ACO2: variants seen among roughly 807,000 people sequenced by gnomAD.
The protein encoded by ACO2 is aconitate hydratase, mitochondrial.
In ACO2, 31 loss-of-function variants were observed where a neutral mutation model predicts 84.5. The ratio of observed to expected loss-of-function variants is 0.37; its 90% CI spans 0.28 to 0.50. The LOEUF (loss-of-function observed/expected upper bound fraction) is 0.50, where lower values mean the gene tolerates loss of function less well. Among genes scored for constraint, ACO2 ranks in the 20% least tolerant of loss-of-function variants. ACO2 has a pLI of 0.97. For synonymous variants in ACO2, 414 were observed against 412.7 expected (o/e 1.00, Z -0.04); for missense variants, 685 against 1,029.3 (o/e 0.67, Z 4.58).
In ACO2 at chr22:41,507,966, A is replaced by C; in HGVS notation, c.349A>C (p.Lys117Gln). 1 of 1,614,254 alleles carries C rather than the reference A, an allele frequency of 6.2e-7. No individual in the cohort carries two copies. Among genetic ancestry groups the C allele is most frequent in the South Asian group, 1.1e-5 (1 of 91,092 alleles). The change falls in exon 3 of 18, where the codon AAG (lysine) becomes CAG (glutamine). Residue 117 changes from lysine to glutamine, a missense_variant. Transcript: ENST00000216254. ...CCAGTTCATCAGCAGCGGGCTGTCC[A>C]AGGTGGCTGTGCCATCCACCATCCA... ...MLQFISSGLS[K>Q]VAVPSTIHCD...
At chr22:41,475,336 C>T (rs1269925052) in intron 1 of ACO2, among the ~76,000 whole-genome samples, 2 of 151,800 alleles carry the variant, frequency 1.3e-5, no homozygotes, top group Admixed American at 1.3e-4. Context: ...CCATGCCCAA[C>T]TAATTTTTTA....
At chr22:41,479,745 G>T (rs968676851) in intron 1 of ACO2, among the ~76,000 whole-genome samples, 1 of 152,242 alleles carries the variant, frequency 6.6e-6, no homozygotes, top group Admixed American at 6.5e-5. Flanking sequence ...CAGGCTGCCT[G>T]TTGAGCTTGC....
At chr22:41,469,885 C>T (rs189061771) in intron 1 of ACO2, among the ~76,000 whole-genome samples, 3 of 152,286 alleles carry the variant, frequency 2.0e-5, no homozygotes, top group Admixed American at 2.0e-4. Flanking sequence ...TTCTGATTCT[C>T]AAGAGTGTCA....
chr22:41,470,802 C>T (rs1230743029), intron 1 of ACO2, among the ~76,000 whole-genome samples: 1 of 152,134 alleles, frequency 6.6e-6, no homozygotes, highest in Non-Finnish European at 1.5e-5. Context: ...CTTGGCCTCC[C>T]AAAGTCCTGG....
intron 9 of ACO2, among the ~76,000 whole-genome samples, chr22:41,522,192 TGTG>T (rs897481289): frequency 1.3e-5 from 2 of 152,118 alleles, no homozygotes; most frequent in African/African-American, 4.8e-5. Context: ...ATTAGCCAGG[TGTG>T]GTGGTACTCA....
At chr22:41,500,264 C>T (rs916660544) in intron 2 of ACO2, among the ~76,000 whole-genome samples, 1 of 151,576 alleles carries the variant, frequency 6.6e-6, no homozygotes, top group African/African-American at 2.4e-5. Flanking sequence ...AGGTCTGAGA[C>T]CCAGAAGATA....
At chr22:41,522,459 T>C (rs897595654) in intron 9 of ACO2, among the ~76,000 whole-genome samples, 3 of 152,194 alleles carry the variant, frequency 2.0e-5, no homozygotes. Context: ...CAGAAAATAC[T>C]AGAAAGTATA....
chr22:41,528,222 T>C, intron 17 of ACO2, 200 bp downstream of exon 17: 1 of 852,626 alleles, frequency 1.2e-6, no homozygotes, highest in Non-Finnish European at 1.8e-6. Context: ...CCCTCACACC[T>C]CCCCAACCTC....
intron 15 of ACO2, 188 bp downstream of exon 15, chr22:41,526,641 C>T (rs923776677): frequency 3.8e-5 from 21 of 556,620 alleles, no homozygotes; most frequent in South Asian, 6.1e-5. Flanking sequence ...GGCCCAGGTC[C>T]GGTGGTACAG....
In ACO2 at chr22:41,509,815, C is replaced by CTTTT. The variant is rs137832; in HGVS notation, c.432+1783_432+1786dup. Among the ~76,000 whole-genome samples the CTTTT allele has an allele frequency of 4.7e-4, 51 of 107,858 alleles. 2 individuals carry two copies. Among genetic ancestry groups the CTTTT allele is most frequent in the South Asian group, 1.4e-3 (4 of 2,938 alleles). The allele number at this position is 107,858 out of a possible 152,430, so 70.8% of individuals were successfully genotyped here. ...AGTTTAAGCGGAGAAAGAATATGGT[C>CTTTT]TTTTTTTTTTTTTTTTTTTTGAGAC... On this transcript the variant is annotated intron_variant, in intron 3 of 17. Transcript: ENST00000216254.
At chr22:41,522,341 C>T (rs1168008894) in intron 9 of ACO2, among the ~76,000 whole-genome samples, 2 of 152,054 alleles carry the variant, frequency 1.3e-5, no homozygotes, top group African/African-American at 4.8e-5. Flanking sequence ...CCCATCTCAA[C>T]AACAACAAAA....
intron 2 of ACO2, among the ~76,000 whole-genome samples, chr22:41,504,922 C>A (rs1258500850): frequency 6.6e-6 from 1 of 151,560 alleles, no homozygotes; most frequent in African/African-American, 2.4e-5. Context: ...TGGAGTTGCC[C>A]AGGCTAGTCT....
chr22:41,527,757 CAG>C, intron 16 of ACO2, 142 bp from the exon 17 acceptor site: 3 of 1,359,400 alleles, frequency 2.2e-6, no homozygotes, highest in Non-Finnish European at 3.0e-6. Flanking sequence ...TGAAAGGGAG[CAG>C]ACCAGGGCCC....
chr22:41,507,526 C>T (rs1028343841), intron 2 of ACO2, among the ~76,000 whole-genome samples: 10 of 152,172 alleles, frequency 6.6e-5, no homozygotes, highest in East Asian at 1.9e-4. Context: ...AAAGAACCAG[C>T]GCTGCCCTCT....
chr22:41,508,243 G>A lies in ACO2; in HGVS notation c.432+194G>A, dbSNP rs550640436. ...GCTCATTATGTTAAAAAATACAGAG[G>A]AAGCCTAAAGAAAGAAAAAATCATC... On this transcript the variant is annotated intron_variant, in intron 3 of 17. Transcript: ENST00000216254. Among the ~76,000 whole-genome samples the A allele has an allele frequency of 2.5e-4, 38 of 152,310 alleles. No homozygotes were observed. The South Asian group carries it at 6.2e-3, about 25-fold the overall frequency.
At chr22:41,510,842 C>T (rs2066428313) in intron 3 of ACO2, among the ~76,000 whole-genome samples, 1 of 152,208 alleles carries the variant, frequency 6.6e-6, no homozygotes, top group Non-Finnish European at 1.5e-5. Context: ...TGGCTGAAAC[C>T]TCCTTTTCAG....
rs377162479 is a variant in ACO2, at chr22:41,527,489, G to A, written c.2086+69G>A. ...GTGATCAAGGTCACTCTCCCTGCCCGTGGCTGAGTTGGGCCTGGTTCTAGG... is the reference window on the plus strand; with the variant it reads ...GTGATCAAGGTCACTCTCCCTGCCCATGGCTGAGTTGGGCCTGGTTCTAGG... On this transcript the variant is annotated intron_variant, in intron 16 of 17. Transcript: ENST00000216254. 3.5e-4 allele frequency: 547 copies of A among 1,542,498 alleles called. 3 individuals are homozygous for A. The East Asian group carries it at 9.5e-3, about 27-fold the overall frequency.
chr22:41,492,506 G>A (rs1404943718), intron 1 of ACO2, among the ~76,000 whole-genome samples: 2 of 152,140 alleles, frequency 1.3e-5, no homozygotes, highest in Admixed American at 1.3e-4. Context: ...AGGCGCAGTG[G>A]CTTATGCATA....
chr22:41,526,235 CT>C (rs778698222), intron 14 of ACO2, 26 bp from the exon 15 acceptor site: 31 of 1,602,982 alleles, frequency 1.9e-5, no homozygotes, highest in Non-Finnish European at 2.6e-5. Flanking sequence ...ATGCCCTGAC[CT>C]CTGTCCTCTC....
Sources: gnomAD v4.1 joint callset for allele counts (sites outside exome capture counted in the v4.1 genomes callset) on GRCh38, gnomAD v4.1.1 for gene constraint, MANE v1.5 for transcripts, NCBI Gene and HGNC (gene_info 2026-07-23, HGNC 2026-07-21) for gene names.